Variants in GPBP1 observed in about 807,000 individuals in gnomAD.
GPBP1 encodes GC-rich promoter binding protein 1.
A neutral mutation model predicts 56.5 loss-of-function variants in GPBP1; 13 were observed. The observed-to-expected ratio is 0.23, with a 90% CI of 0.15 to 0.37. GPBP1 has a LOEUF of 0.37. Ranked by LOEUF, GPBP1 falls within the 10% of genes least tolerant of loss-of-function variation. The pLI is 1.00. For missense variants in GPBP1, 477 were observed against 572.3 expected (o/e 0.83, Z 1.70); for synonymous variants, 204 against 188.9 (o/e 1.08, Z -0.66).
intron 10 of GPBP1, among the ~76,000 whole-genome samples, chr5:57,252,909 A>G (rs1741461939): frequency 6.6e-6 from 1 of 151,788 alleles, no homozygotes; most frequent in Non-Finnish European, 1.5e-5. Flanking sequence ...GGATTTCATC[A>G]TGTTGGCCAG....
chr5:57,234,207 A>G (rs1240153203), intron 5 of GPBP1, among the ~76,000 whole-genome samples: 1 of 152,138 alleles, frequency 6.6e-6, no homozygotes, highest in Non-Finnish European at 1.5e-5. Context: ...ATTTTATTTA[A>G]TATATATTAA....
intron 3 of GPBP1, among the ~76,000 whole-genome samples, chr5:57,227,142 T>C (rs1756233844): frequency 6.6e-6 from 1 of 152,142 alleles, no homozygotes; most frequent in African/African-American, 2.4e-5. Context: ...AACCTCCACC[T>C]CCCAGGTTCA....
chr5:57,247,317 AG>A lies in GPBP1; in HGVS notation c.804+103del, dbSNP rs1446020694. Reference sequence around the variant, plus strand: ...TTCATTAAATGAATACATTAAAATGAGTTTCATTCCTTCAGAAAACTGGATT... The same window carrying A: ...TTCATTAAATGAATACATTAAAATGATTTCATTCCTTCAGAAAACTGGATT... On this transcript the variant is annotated intron_variant, in intron 8 of 11. Transcript: ENST00000506184. 3 of 969,236 alleles carry A rather than the reference AG, an allele frequency of 3.1e-6. No homozygotes were observed. In the East Asian group the frequency reaches 8.8e-5, roughly 28 times the overall value. 60.0% of individuals were successfully genotyped at this position (969,236 alleles called of 1,614,324 possible). A position where few individuals can be genotyped will look rare whatever the true frequency, so the allele number is the denominator to read the frequency against.
At chr5:57,193,092 G>T (rs576597655) in intron 2 of GPBP1, among the ~76,000 whole-genome samples, 1 of 152,278 alleles carries the variant, frequency 6.6e-6, no homozygotes, top group South Asian at 2.1e-4. Flanking sequence ...CAAGGCGAGT[G>T]GATCACCTAA....
intron 3 of GPBP1, among the ~76,000 whole-genome samples, chr5:57,220,794 T>G (rs2111800858): frequency 6.6e-6 from 1 of 152,180 alleles, no homozygotes; most frequent in East Asian, 1.9e-4. Context: ...ATTTGAGATT[T>G]GTTTCTTTGC....
At chr5:57,213,477 T>G (rs1221256782) in intron 2 of GPBP1, among the ~76,000 whole-genome samples, 1 of 152,048 alleles carries the variant, frequency 6.6e-6, no homozygotes, top group Non-Finnish European at 1.5e-5. Flanking sequence ...TTTTCTTTTT[T>G]TTTTTTTAAG....
At position 57,176,245 on chromosome 5, in the gene GPBP1, G is replaced by A; in HGVS notation, c.-213G>A. On this transcript the variant is annotated 5_prime_UTR_variant, in exon 2 of 12. It removes the in-frame stop codon of an upstream open reading frame in the 5' UTR. Coordinates refer to ENST00000506184, the MANE Select transcript of GPBP1 (RefSeq NM_022913.4). Reference sequence around the variant, plus strand: ...AAACTTTAAAACAGAAGTATGGGTAGCTGACTTGAAGTAACTCTATGTCAA... The same window carrying A: ...AAACTTTAAAACAGAAGTATGGGTAACTGACTTGAAGTAACTCTATGTCAA... 1 of 378,090 alleles carries A rather than the reference G, an allele frequency of 2.6e-6. No individual in the cohort carries two copies. The highest frequency in any genetic ancestry group is 4.7e-6 in the Non-Finnish European group (1 of 214,190). The allele number at this position is 378,090 out of a possible 1,614,324, so 23.4% of individuals were successfully genotyped here.
intron 2 of GPBP1, among the ~76,000 whole-genome samples, chr5:57,183,219 T>C (rs1381742093): frequency 2.6e-5 from 4 of 151,868 alleles, no homozygotes; most frequent in Non-Finnish European, 5.9e-5. Context: ...TACAAAAAAT[T>C]AGCTGGGCGT....
intron 10 of GPBP1, among the ~76,000 whole-genome samples, chr5:57,259,409 AAG>A (rs1741797997): frequency 6.6e-6 from 1 of 152,228 alleles, no homozygotes; most frequent in African/African-American, 2.4e-5. Context: ...AGGTGTAAAT[AAG>A]AGGGGACTTA....
intron 3 of GPBP1, among the ~76,000 whole-genome samples, chr5:57,225,134 A>G (rs1234307285): frequency 6.6e-6 from 1 of 152,160 alleles, no homozygotes; most frequent in Non-Finnish European, 1.5e-5. Context: ...TGAGTAAGAA[A>G]TACAATAGGA....
chr5:57,258,991 G>C (rs1283745007), intron 10 of GPBP1, among the ~76,000 whole-genome samples: 1 of 152,180 alleles, frequency 6.6e-6, no homozygotes, highest in African/African-American at 2.4e-5. Context: ...TGCTAGTCTA[G>C]ATTTAATAGT....
intron 6 of GPBP1, among the ~76,000 whole-genome samples, chr5:57,241,253 T>C (rs1740813184): frequency 6.6e-6 from 1 of 152,212 alleles, no homozygotes; most frequent in Admixed American, 6.5e-5. Flanking sequence ...CTCTGAATTA[T>C]CTGTGTGGCC....
chr5:57,262,088 C>G (rs1466276528), intron 11 of GPBP1, among the ~76,000 whole-genome samples: 1 of 152,106 alleles, frequency 6.6e-6, no homozygotes, highest in Non-Finnish European at 1.5e-5. Context: ...GGCCAACTAT[C>G]TTTTTTCTTC....
Position 57,214,229 on chromosome 5 carries a change from C to G in GPBP1, c.63+36C>G. On this transcript the variant is annotated intron_variant, in intron 3 of 11. Transcript: ENST00000506184. ...TGCATCTTTCTTTCTGTCTGCTTCT[C>G]TTGCATTCATTTTTTACACAAATGT... The G allele has an allele frequency of 3.4e-6, 5 of 1,457,750 alleles. No individual in the cohort carries two copies. The East Asian group carries it at 9.1e-5, about 26-fold the overall frequency. 90.3% of individuals were successfully genotyped at this position (1,457,750 alleles called of 1,614,324 possible).
At chr5:57,236,565 A>G (rs1188267197) in intron 6 of GPBP1, among the ~76,000 whole-genome samples, 1 of 152,148 alleles carries the variant, frequency 6.6e-6, no homozygotes, top group East Asian at 1.9e-4. Context: ...CTGATTTTCA[A>G]AGCTTAATGA....
chr5:57,232,801 G>T (rs1055782287), intron 5 of GPBP1, among the ~76,000 whole-genome samples: 3 of 152,150 alleles, frequency 2.0e-5, no homozygotes, highest in African/African-American at 7.2e-5. Context: ...AAATGGCCTT[G>T]CCGAGGAAGT....
At chr5:57,218,749 G>GCCA (rs1200174711) in intron 3 of GPBP1, among the ~76,000 whole-genome samples, 1 of 152,184 alleles carries the variant, frequency 6.6e-6, no homozygotes, top group African/African-American at 2.4e-5. Context: ...ACAGGCGTGA[G>GCCA]CCACCACGCT....
At chr5:57,208,691 CCGT>C (rs1755345878) in intron 2 of GPBP1, among the ~76,000 whole-genome samples, 1 of 147,188 alleles carries the variant, frequency 6.8e-6, no homozygotes, top group South Asian at 2.2e-4. Flanking sequence ...GAGTCTCACC[CCGT>C]CGTCCAGGCT....
intron 2 of GPBP1, among the ~76,000 whole-genome samples, chr5:57,180,150 T>G (rs906632703): frequency 6.6e-6 from 1 of 152,204 alleles, no homozygotes; most frequent in Non-Finnish European, 1.5e-5. Flanking sequence ...GGAGTTTTGC[T>G]GTCACCCAGG....
Sources: gnomAD v4.1 joint callset for allele counts (sites outside exome capture counted in the v4.1 genomes callset) on GRCh38, gnomAD v4.1.1 for gene constraint, MANE v1.5 for transcripts, NCBI Gene and HGNC (gene_info 2026-07-23, HGNC 2026-07-21) for gene names.